Variants in ELL2 observed in about 807,000 individuals in gnomAD.
The protein encoded by ELL2 is elongation factor for RNA polymerase II 2.
A neutral mutation model predicts 72.8 loss-of-function variants in ELL2; 21 were observed. That is an observed-to-expected ratio of 0.29 (90% CI 0.20 to 0.42). The LOEUF (loss-of-function observed/expected upper bound fraction) is 0.42. Ranked by LOEUF, ELL2 falls within the 10% of genes least tolerant of loss-of-function variation. ELL2 has a pLI of 1.00. For missense variants in ELL2, 568 were observed against 772.8 expected (o/e 0.73, Z 3.14); for synonymous variants, 266 against 283.2 (o/e 0.94, Z 0.61).
At chr5:95,942,889 C>T (rs1338582774) in intron 2 of ELL2, 113 bp downstream of exon 2, 14 of 637,062 alleles carry the variant, frequency 2.2e-5, no homozygotes, top group African/African-American at 3.9e-5. Flanking sequence ...AGTCACAAAG[C>T]TCACAGAATG....
At chr5:95,951,972 T>C (rs1751424522) in intron 1 of ELL2, among the ~76,000 whole-genome samples, 1 of 152,202 alleles carries the variant, frequency 6.6e-6, no homozygotes, top group Non-Finnish European at 1.5e-5. Context: ...CTTACTGAGA[T>C]AGGGAACACT....
chr5:95,889,178 T>C (rs1182276576), intron 10 of ELL2, 48 bp from the exon 11 acceptor site: 1 of 1,440,294 alleles, frequency 6.9e-7, no homozygotes, highest in Non-Finnish European at 9.6e-7. Context: ...TTCTTTTGTG[T>C]GTGGCAATAC....
chr5:95,945,780 G>A (rs912151990), intron 1 of ELL2, among the ~76,000 whole-genome samples: 2 of 152,186 alleles, frequency 1.3e-5, no homozygotes, highest in African/African-American at 2.4e-5. Flanking sequence ...TATGGTCAGA[G>A]GGCAGGTCTG....
chr5:95,922,550 T>G (rs930760417), intron 2 of ELL2, among the ~76,000 whole-genome samples: 2 of 152,218 alleles, frequency 1.3e-5, no homozygotes, highest in Non-Finnish European at 2.9e-5. Context: ...TTAACAAACC[T>G]TTGTTACTTA....
chr5:95,925,820 G>A (rs759033540), intron 2 of ELL2, among the ~76,000 whole-genome samples: 4 of 152,084 alleles, frequency 2.6e-5, no homozygotes, highest in East Asian at 3.9e-4. Flanking sequence ...CCTCCCCTCC[G>A]GCATCCCAGG....
intron 7 of ELL2, 23 bp downstream of exon 7, chr5:95,900,668 CTA>C: frequency 6.6e-7 from 1 of 1,515,262 alleles, no homozygotes; most frequent in East Asian, 2.3e-5. Flanking sequence ...TATGTCAGGT[CTA>C]TAATTCTATG....
At chr5:95,915,160 T>C (rs1271708892) in intron 3 of ELL2, among the ~76,000 whole-genome samples, 1 of 152,218 alleles carries the variant, frequency 6.6e-6, no homozygotes, top group Non-Finnish European at 1.5e-5. Context: ...TGGAGTGCAG[T>C]GGTGCAATCT....
chr5:95,910,845 T>C (rs148115724), intron 4 of ELL2, among the ~76,000 whole-genome samples: 114 of 152,358 alleles, frequency 7.5e-4, no homozygotes, highest in Middle Eastern at 3.4e-3. Flanking sequence ...TTATGTGATA[T>C]AGTCTATTAT....
At chr5:95,942,132 A>G (rs1382096286) in intron 2 of ELL2, among the ~76,000 whole-genome samples, 1 of 152,230 alleles carries the variant, frequency 6.6e-6, no homozygotes, top group Non-Finnish European at 1.5e-5. Flanking sequence ...TAAAGGTTAG[A>G]AAGACTATTT....
In ELL2 at chr5:95,946,938, TG is replaced by T; in HGVS notation, c.148-3890del. Among the ~76,000 whole-genome samples, 3 of 152,360 alleles carry T rather than the reference TG, an allele frequency of 2.0e-5. 1 individual carries two copies. In the South Asian group the frequency reaches 6.2e-4, roughly 32 times the overall value. On this transcript the variant is annotated intron_variant, in intron 1 of 11. Transcript: ENST00000237853. ...AAGGCAACAAGGAGTGGTGAGTACC[TG>T]GAAAATGAATGCCCAAAGGAAAAAA...
chr5:95,937,364 A>G (rs1386443409), intron 2 of ELL2, among the ~76,000 whole-genome samples: 1 of 152,152 alleles, frequency 6.6e-6, no homozygotes, highest in Non-Finnish European at 1.5e-5. Flanking sequence ...TCAATTTACA[A>G]TAGTTTCAAA....
At chr5:95,933,795 ATT>A (rs61341229) in intron 2 of ELL2, among the ~76,000 whole-genome samples, 1 of 147,012 alleles carries the variant, frequency 6.8e-6, no homozygotes, top group Admixed American at 6.8e-5. Context: ...GAGGTTAGAG[ATT>A]TTTTTTTTTT....
Position 95,920,856 on chromosome 5 carries a change from G to C in ELL2, c.196-1311C>G, listed in dbSNP as rs144329796. 9.1e-3 allele frequency among the ~76,000 whole-genome samples: 1,389 copies of C among 152,298 alleles called. 11 individuals are homozygous for C. Among genetic ancestry groups the C allele is most frequent in the Non-Finnish European group, 0.015 (1,013 of 68,030 alleles). ...GTAATTTAGCAGACAAGTAGGGAAG[G>C]GAAAAGTGTTTTATAATCCTCATTC... On this transcript the variant is annotated intron_variant, in intron 2 of 11. Transcript: ENST00000237853.
intron 2 of ELL2, among the ~76,000 whole-genome samples, chr5:95,937,870 G>A (rs1196920593): frequency 1.3e-5 from 2 of 152,092 alleles, no homozygotes; most frequent in African/African-American, 2.4e-5. Flanking sequence ...GAAAGAAGTC[G>A]GAGGGAAGGC....
chr5:95,888,730 A>G lies in ELL2; in HGVS notation c.*141T>C. On this transcript the variant is annotated 3_prime_UTR_variant, in exon 12 of 12. Coordinates refer to ENST00000237853, the MANE Select transcript of ELL2 (RefSeq NM_012081.6). ...AATGCAGGGAAGCAAAGTAAAATGG[A>G]AAAGAAAAAGTAACTCAAGTTTACT... 1 of 570,898 alleles carries G rather than the reference A, an allele frequency of 1.8e-6. No homozygotes were observed. The highest frequency in any genetic ancestry group is 2.8e-6 in the Non-Finnish European group (1 of 352,292). 35.4% of individuals were successfully genotyped at this position (570,898 alleles called of 1,614,324 possible). A position where few individuals can be genotyped will look rare whatever the true frequency, so the allele number is the denominator to read the frequency against.
chr5:95,895,958 G>A (rs976167193), intron 8 of ELL2, among the ~76,000 whole-genome samples: 9 of 152,294 alleles, frequency 5.9e-5, no homozygotes, highest in South Asian at 2.1e-4. Flanking sequence ...TTAACCCAAG[G>A]TCAGTCTTCT....
In ELL2 at chr5:95,950,933, TA is replaced by T. The variant is rs1561515428; in HGVS notation, c.148-7885del. Among the ~76,000 whole-genome samples, 221 of 123,836 alleles carry T rather than the reference TA, an allele frequency of 1.8e-3. 2 individuals are homozygous for T. Among genetic ancestry groups the T allele is most frequent in the East Asian group, 9.0e-3 (44 of 4,882 alleles). 81.2% of individuals were successfully genotyped at this position (123,836 alleles called of 152,430 possible). A position where few individuals can be genotyped will look rare whatever the true frequency, so the allele number is the denominator to read the frequency against. On this transcript the variant is annotated intron_variant, in intron 1 of 11. Coordinates refer to ENST00000237853, the MANE Select transcript of ELL2 (RefSeq NM_012081.6). Reference sequence around the variant, plus strand: ...ATATATATATATATATATATATATATATATATATATATATATATATAAAATC... The same window carrying T: ...ATATATATATATATATATATATATATTATATATATATATATATATAAAATC...
chr5:95,950,898 GTA>G (rs1751349301), intron 1 of ELL2, among the ~76,000 whole-genome samples: 4 of 29,290 alleles, frequency 1.4e-4, no homozygotes, highest in African/African-American at 4.4e-4. Context: ...ATGTATGTAT[GTA>G]TGTGTATATA....
At chr5:95,952,596 G>T (rs367607918) in intron 1 of ELL2, among the ~76,000 whole-genome samples, 2 of 152,136 alleles carry the variant, frequency 1.3e-5, no homozygotes, top group South Asian at 4.1e-4. Context: ...TTGATTGTCA[G>T]AAGATAGTTT....
Sources: allele counts gnomAD v4.1 joint callset (sites outside exome capture counted in the v4.1 genomes callset), GRCh38; gene constraint gnomAD v4.1.1; transcripts MANE v1.5; gene names NCBI Gene and HGNC (gene_info 2026-07-23, HGNC 2026-07-21).